LRP2: variants seen among roughly 807,000 people sequenced by gnomAD.
LRP2 encodes the protein LDL receptor related protein 2.
LRP2 carries 172 observed loss-of-function variants against 531.0 expected under a neutral mutation model. The ratio of observed to expected loss-of-function variants is 0.32; its 90% CI spans 0.29 to 0.37. The LOEUF is 0.37. Among genes scored for constraint, LRP2 ranks in the 10% least tolerant of loss-of-function variants. The pLI, the probability that LRP2 is intolerant of heterozygous loss-of-function variation, is 1.00. For missense variants in LRP2, 5,167 were observed against 5,868.3 expected (o/e 0.88, Z 3.90); for synonymous variants, 1,992 against 2,027.6 (o/e 0.98, Z 0.47).
At chr2:169,225,584 C>T in intron 32 of LRP2, 131 bp from the exon 33 acceptor site, 1 of 1,058,182 alleles carries the variant, frequency 9.5e-7, no homozygotes, top group South Asian at 1.3e-5. Context: ...GAAAGGCAAA[C>T]AAAGGTTCAG....
intron 4 of LRP2, among the ~76,000 whole-genome samples, chr2:169,305,069 G>A (rs761773768): frequency 1.3e-5 from 2 of 152,000 alleles, no homozygotes; most frequent in African/African-American, 2.4e-5. Flanking sequence ...AGAACTTAAA[G>A]TAAAATTAAA....
In LRP2 at chr2:169,185,613, A is replaced by T. The variant is rs773905964; in HGVS notation, c.9735T>A (p.Asp3245Glu). 1.2e-6 allele frequency: 2 copies of T among 1,614,198 alleles called. No individual in the cohort carries two copies. Among genetic ancestry groups the T allele is most frequent in the African/African-American group, 1.3e-5 (1 of 75,048 alleles). Residue 3245 changes from aspartate (D) to glutamate (E), a missense_variant, in exon 50 of 79, where the codon GAT (aspartate) becomes GAA (glutamate). Asp to Glu is a conservative substitution (Grantham distance 45, BLOSUM62 2). Transcript: ENST00000649046. ...DRVEKRLYWI[D>E]TQRQVIERMF... ...TTCTCTCAATGACTTGCCTCTGTGT[A>T]TCAATCCAATACAATCTCTTCTCTA...
intron 30 of LRP2, among the ~76,000 whole-genome samples, chr2:169,232,950 A>G (rs1293960796): frequency 1.3e-5 from 2 of 152,228 alleles, no homozygotes; most frequent in Non-Finnish European, 2.9e-5. Flanking sequence ...ACGGATGCCA[A>G]GTCTTTCACC....
chr2:169,169,825 A>C lies in LRP2; in HGVS notation c.11381-7T>G. On this transcript the variant is annotated splice_polypyrimidine_tract_variant and splice_region_variant and intron_variant, in intron 59 of 78. Transcript: ENST00000649046. ...GGATGGCAGGTCCTCATCTCTGAAGAGAAAAGATTGTCATTCCGAGAAGGC... is the reference window on the plus strand; with the variant it reads ...GGATGGCAGGTCCTCATCTCTGAAGCGAAAAGATTGTCATTCCGAGAAGGC... 6.3e-7 allele frequency: 1 copy of C among 1,584,880 alleles called. No homozygotes were observed. The highest frequency in any genetic ancestry group is 1.3e-5 in the African/African-American group (1 of 74,466).
chr2:169,188,370 C>T, intron 48 of LRP2, 105 bp from the exon 49 acceptor site: 2 of 1,094,892 alleles, frequency 1.8e-6, no homozygotes, highest in Non-Finnish European at 2.8e-6. Context: ...AATGCCAGGT[C>T]AACCATTTCG....
rs1687846495 is a variant in LRP2, at chr2:169,191,986, G to A, written c.8878C>T (p.Pro2960Ser). Residue 2960 changes from proline to serine, a missense_variant, in exon 48 of 79, where the codon CCT becomes TCT. Around this residue, in one of 6 missense-constraint regions of LRP2, gnomAD observed 1,129 missense variants for 1,362.7 expected, o/e 0.83. Coordinates refer to ENST00000649046, the MANE Select transcript of LRP2 (RefSeq NM_004525.3). Reference sequence around the variant, plus strand: ...TGGGGAATGCACCTCCTGTCCGGAGGTCTGTCATTTACACAGAGAAACTCG... The same window carrying A: ...TGGGGAATGCACCTCCTGTCCGGAGATCTGTCATTTACACAGAGAAACTCG... Reference protein sequence around the residue: ...DSEFLCVNDRPPDRRCIPQSW... With the variant: ...DSEFLCVNDRSPDRRCIPQSW... 2 of 1,614,032 alleles carry A rather than the reference G, an allele frequency of 1.2e-6. No individual in the cohort carries two copies. The highest frequency in any genetic ancestry group is 2.7e-5 in the African/African-American group (2 of 74,918).
intron 31 of LRP2, 114 bp from the exon 32 acceptor site, chr2:169,226,702 T>A: frequency 1.3e-6 from 1 of 783,092 alleles, no homozygotes; most frequent in Non-Finnish European, 2.2e-6. Context: ...CATTGCAGCA[T>A]TGCAGCAATA....
At chr2:169,180,460 T>C (rs144208144) in intron 52 of LRP2, among the ~76,000 whole-genome samples, 1 of 152,370 alleles carries the variant, frequency 6.6e-6, no homozygotes, top group Non-Finnish European at 1.5e-5. Flanking sequence ...GCTACCTTAG[T>C]GTAGCAAATG....
At chr2:169,261,687 C>T (rs1690560904) in intron 16 of LRP2, among the ~76,000 whole-genome samples, 1 of 152,102 alleles carries the variant, frequency 6.6e-6, no homozygotes, top group Admixed American at 6.6e-5. Flanking sequence ...TGGTACCATT[C>T]CTTCTGAAAT....
chr2:169,239,466 C>T, intron 26 of LRP2, 61 bp downstream of exon 26: 1 of 1,612,990 alleles, frequency 6.2e-7, no homozygotes. Context: ...CCTACATGTG[C>T]CATTTGATTT....
chr2:169,361,986 A>T (rs940634669), intron 1 of LRP2, among the ~76,000 whole-genome samples: 2 of 152,132 alleles, frequency 1.3e-5, no homozygotes, highest in Non-Finnish European at 2.9e-5. Flanking sequence ...CAGGCTGCAA[A>T]CGGCGGAGAA....
intron 74 of LRP2, 98 bp downstream of exon 74, chr2:169,139,153 T>G (rs1037892079): frequency 6.4e-7 from 1 of 1,563,184 alleles, no homozygotes; most frequent in Admixed American, 1.7e-5. Context: ...AACTGCGTAT[T>G]GTGCTTTTTT....
chr2:169,163,860 C>G (rs1686680684), intron 62 of LRP2, among the ~76,000 whole-genome samples: 1 of 152,138 alleles, frequency 6.6e-6, no homozygotes, highest in African/African-American at 2.4e-5. Flanking sequence ...AAAAAACTCT[C>G]AAAGGGTAGA....
In LRP2 at chr2:169,136,637, T is replaced by G. The variant is rs148167565; in HGVS notation, c.13620+755A>C. ...CAAAAACTCCCCCCCACTGAGCACC[T>G]TGTGACCCCCACTCTTGCCCACCAG... On this transcript the variant is annotated intron_variant, in intron 76 of 78. Coordinates refer to ENST00000649046, the MANE Select transcript of LRP2 (RefSeq NM_004525.3). Among the ~76,000 whole-genome samples, 829 of 113,464 alleles carry G rather than the reference T, an allele frequency of 7.3e-3. 7 individuals carry two copies. Among genetic ancestry groups the G allele is most frequent in the Admixed American group, 0.01 (98 of 9,604 alleles). The allele number at this position is 113,464 out of a possible 152,430, so 74.4% of individuals were successfully genotyped here. A position where few individuals can be genotyped will look rare whatever the true frequency, so the allele number is the denominator to read the frequency against.
intron 1 of LRP2, among the ~76,000 whole-genome samples, chr2:169,342,197 TAA>T (rs75145490): frequency 3.8e-5 from 5 of 131,532 alleles, no homozygotes; most frequent in Admixed American, 1.5e-4. Context: ...GCAGGAAAAT[TAA>T]AAAAAAAAAA....
At chr2:169,348,287 T>C (rs1292544822) in intron 1 of LRP2, among the ~76,000 whole-genome samples, 1 of 152,180 alleles carries the variant, frequency 6.6e-6, no homozygotes, top group African/African-American at 2.4e-5. Flanking sequence ...ACCTATTTGT[T>C]ACGTATGGAG....
intron 60 of LRP2, 112 bp downstream of exon 60, chr2:169,169,590 A>G: frequency 1.2e-6 from 1 of 832,754 alleles, no homozygotes; most frequent in Non-Finnish European, 2.1e-6. Flanking sequence ...GTGCATGCTG[A>G]ACAGACAATA....
chr2:169,338,264 A>G (rs1028107794), intron 1 of LRP2, among the ~76,000 whole-genome samples: 3 of 136,854 alleles, frequency 2.2e-5, no homozygotes, highest in Non-Finnish European at 3.1e-5. Context: ...AGAAAAACAA[A>G]GAAAGAAAGA....
intron 42 of LRP2, among the ~76,000 whole-genome samples, 160 bp from the exon 43 acceptor site, chr2:169,203,119 T>C (rs1688257547): frequency 6.6e-6 from 1 of 152,192 alleles, no homozygotes; most frequent in South Asian, 2.1e-4. Context: ...TCTGAGTCAC[T>C]TTTCCATCAA....
Sources: gnomAD v4.1 joint callset for allele counts (sites outside exome capture counted in the v4.1 genomes callset) on GRCh38, gnomAD v4.1.1 for gene constraint, gnomAD v4.1.1 regional missense constraint, MANE v1.5 for transcripts, NCBI Gene and HGNC (gene_info 2026-07-23, HGNC 2026-07-21) for gene names.